The following DNAAF5 variants were observed in gnomAD, a reference collection of about 807,000 sequenced individuals.
DNAAF5 encodes the protein dynein axonemal assembly factor 5, also known as HEAT repeat containing 2.
A neutral mutation model predicts 75.8 loss-of-function variants in DNAAF5; 64 were observed. The ratio of observed to expected loss-of-function variants is 0.84; its 90% CI spans 0.69 to 1.04. DNAAF5 has a LOEUF of 1.04. DNAAF5 is among the 50% of genes least tolerant of loss of function. DNAAF5 has a pLI of 0.00. For synonymous variants in DNAAF5, 657 were observed against 557.2 expected (o/e 1.18, Z -2.52); for missense variants, 1,269 against 1,178.5 (o/e 1.08, Z -1.12).
intron 6 of DNAAF5, among the ~76,000 whole-genome samples, chr7:761,534 A>T (rs959870395): frequency 2.6e-5 from 4 of 152,254 alleles, no homozygotes; most frequent in Admixed American, 6.5e-5. Flanking sequence ...CAGGCGAGAG[A>T]GTGTGCAGGG....
chr7:776,923 C>T (rs1467111606), intron 11 of DNAAF5, among the ~76,000 whole-genome samples: 3 of 152,202 alleles, frequency 2.0e-5, no homozygotes, highest in Non-Finnish European at 2.9e-5. Flanking sequence ...TGAGCTCTGC[C>T]TCCTGTCAGA....
intron 4 of DNAAF5, among the ~76,000 whole-genome samples, chr7:747,038 G>T (rs1257385165): frequency 6.6e-6 from 1 of 152,244 alleles, no homozygotes; most frequent in African/African-American, 2.4e-5. Context: ...ACCAGCAGGG[G>T]CATATTCGGG....
intron 8 of DNAAF5, chr7:769,354 G>C (rs1192562403): frequency 3.2e-6 from 2 of 624,372 alleles, no homozygotes; most frequent in East Asian, 2.7e-5. Context: ...AGACGCTGCA[G>C]GGACTCTCAG....
At chr7:777,601 G>A (rs752585746) in intron 11 of DNAAF5, among the ~76,000 whole-genome samples, 5 of 152,212 alleles carry the variant, frequency 3.3e-5, no homozygotes, top group East Asian at 1.9e-4. Flanking sequence ...CCACTCAGGC[G>A]TTCCTGATTA....
intron 2 of DNAAF5, among the ~76,000 whole-genome samples, chr7:735,384 A>G (rs1360318604): frequency 2.2e-5 from 3 of 138,398 alleles, no homozygotes; most frequent in Non-Finnish European, 4.7e-5. Context: ...AGTTGCTCAT[A>G]TTGCTCATGG....
Position 746,274 on chromosome 7 carries a change from C to T in DNAAF5, c.1024+4809C>T, listed in dbSNP as rs1175695534. On this transcript the variant is annotated intron_variant, in intron 4 of 12. Transcript: ENST00000297440. ...GTGACGCTCTCCTTACTGTCTTGCC[C>T]CCCCCTGCCCGCTGGGCCCAGGCTC... Among the ~76,000 whole-genome samples, 131 of 123,610 alleles carry T rather than the reference C, an allele frequency of 1.1e-3. 12 individuals are homozygous for T. The highest frequency in any genetic ancestry group is 9.6e-3 in the Middle Eastern group (2 of 208). 81.1% of individuals were successfully genotyped at this position (123,610 alleles called of 152,430 possible). A position where few individuals can be genotyped will look rare whatever the true frequency, so the allele number is the denominator to read the frequency against.
intron 8 of DNAAF5, among the ~76,000 whole-genome samples, chr7:770,148 C>T (rs1778505916): frequency 6.6e-6 from 1 of 152,112 alleles, no homozygotes; most frequent in Non-Finnish European, 1.5e-5. Flanking sequence ...GATGGGGTTT[C>T]ACCATGTTGA....
intron 8 of DNAAF5, among the ~76,000 whole-genome samples, chr7:766,441 T>C (rs1583507560): frequency 6.6e-6 from 1 of 152,260 alleles, no homozygotes; most frequent in East Asian, 1.9e-4. Context: ...ATTTTAATTA[T>C]TTTAAACATA....
chr7:779,970 G>A lies in DNAAF5; in HGVS notation c.2257G>A (p.Asp753Asn). Residue 753 changes from aspartate to asparagine, a missense_variant, in exon 12 of 13, where the codon GAT becomes AAT. Asp to Asn is a conservative substitution (Grantham distance 23). Transcript: ENST00000297440. The part of the protein sequence containing the change: ...RIYPELLKRL[D>N]DVSNDVRMAA... The stretch of plus-strand genomic sequence containing the variant: ...CCTTCCAGAACTCTTAAAACGCCTA[G>A]ATGACGTGTCCAACGATGTGAGGAT... 2.5e-6 allele frequency: 4 copies of A among 1,614,182 alleles called. 1 individual carries two copies. The South Asian group carries it at 3.3e-5, about 13-fold the overall frequency.
At chr7:761,700 G>A in intron 6 of DNAAF5, 53 bp from the exon 7 acceptor site, 2 of 1,538,682 alleles carry the variant, frequency 1.3e-6, no homozygotes, top group Non-Finnish European at 1.8e-6. Context: ...GGATTCGGGT[G>A]GGGACACGAC....
intron 12 of DNAAF5, among the ~76,000 whole-genome samples, chr7:783,765 C>T (rs1779058409): frequency 6.6e-6 from 1 of 152,032 alleles, no homozygotes; most frequent in Admixed American, 6.5e-5. Flanking sequence ...TGCGCCCTCC[C>T]AGCTCTCCTG....
intron 12 of DNAAF5, among the ~76,000 whole-genome samples, chr7:782,932 G>T (rs147769195): frequency 2.6e-5 from 4 of 152,258 alleles, no homozygotes; most frequent in Non-Finnish European, 4.4e-5. Flanking sequence ...CCCTCCGGCG[G>T]CATCAGAAAC....
chr7:763,989 C>T lies in DNAAF5; in HGVS notation c.1783+15C>T, dbSNP rs1413873559. 3 of 1,600,028 alleles carry T rather than the reference C, an allele frequency of 1.9e-6. No homozygotes were observed. Among genetic ancestry groups the T allele is most frequent in the African/African-American group, 1.3e-5 (1 of 75,070 alleles). On this transcript the variant is annotated intron_variant, in intron 8 of 12. Coordinates refer to ENST00000297440, the MANE Select transcript of DNAAF5 (RefSeq NM_017802.4). The stretch of plus-strand genomic sequence containing the variant: ...CGCACAGTCAGGTGAGCCGTCCCGA[C>T]AGCTGGCGTGCCGTGCCTGGCCCCA...
In DNAAF5 at chr7:774,165, G is replaced by T; in HGVS notation, c.2049G>T (p.Ala683=). 2 of 1,611,628 alleles carry T rather than the reference G, an allele frequency of 1.2e-6. No homozygotes were observed. Among genetic ancestry groups the T allele is most frequent in the Non-Finnish European group, 1.7e-6 (2 of 1,179,836 alleles). Residue 683 remains alanine, a synonymous_variant, in exon 10 of 13, where the codon GCG becomes GCT. Coordinates refer to ENST00000297440, the MANE Select transcript of DNAAF5 (RefSeq NM_017802.4). ...IRTAAVSCLW[A]LTSSEVLSAE... is the part of the protein sequence containing the mutation. Reference sequence around the variant, plus strand: ...CGGCTGCCGTGTCCTGCCTCTGGGCGCTCACCAGCAGCGAGGTCCTGTCGG... The same window carrying T: ...CGGCTGCCGTGTCCTGCCTCTGGGCTCTCACCAGCAGCGAGGTCCTGTCGG...
Position 763,700 on chromosome 7 carries a change from G to A in DNAAF5, c.1615-106G>A, listed in dbSNP as rs534403676. The A allele has an allele frequency of 1.6e-3, 2,037 of 1,293,536 alleles. 5 individuals are homozygous for A. Among genetic ancestry groups the A allele is most frequent in the Non-Finnish European group, 1.9e-3 (1,742 of 924,266 alleles). 80.1% of individuals were successfully genotyped at this position (1,293,536 alleles called of 1,614,324 possible). The stretch of plus-strand genomic sequence containing the variant: ...CCCTCCCGATTATCCTGGCAGGCCC[G>A]GCCTGTGTGGTTCTTACGCGTGAGG... On this transcript the variant is annotated intron_variant, in intron 7 of 12. Coordinates refer to ENST00000297440, the MANE Select transcript of DNAAF5 (RefSeq NM_017802.4).
chr7:750,321 C>A (rs77553511), intron 4 of DNAAF5, among the ~76,000 whole-genome samples: 2 of 152,172 alleles, frequency 1.3e-5, no homozygotes, highest in African/African-American at 2.4e-5. Context: ...CACTGTAGTA[C>A]GTTCACACGG....
At chr7:778,102 A>G (rs953816908) in intron 11 of DNAAF5, 1 of 152,250 alleles carries the variant, frequency 6.6e-6, no homozygotes, top group Non-Finnish European at 1.5e-5. Flanking sequence ...TTTGTCACTC[A>G]TTCTCTCACC....
At chr7:768,168 C>T (rs376372507) in intron 8 of DNAAF5, among the ~76,000 whole-genome samples, 1 of 98,076 alleles carries the variant, frequency 1.0e-5, no homozygotes, top group Middle Eastern at 6.8e-3. Context: ...AGCGCAGACA[C>T]GTGGTCCAGG....
intron 6 of DNAAF5, among the ~76,000 whole-genome samples, chr7:759,961 T>C (rs1295917749): frequency 1.3e-5 from 2 of 152,112 alleles, no homozygotes; most frequent in Admixed American, 6.5e-5. Context: ...CTTAGAGAAA[T>C]TGGGCTGTGG....
Sources: gnomAD v4.1 joint callset for allele counts (sites outside exome capture counted in the v4.1 genomes callset) on GRCh38, gnomAD v4.1.1 for gene constraint, MANE v1.5 for transcripts, NCBI Gene and HGNC (gene_info 2026-07-23, HGNC 2026-07-21) for gene names.